Variants in USP45 observed in about 807,000 individuals in gnomAD.
USP45 encodes ubiquitin carboxyl-terminal hydrolase 45.
Under a neutral mutation model 95.8 loss-of-function variants are expected in USP45, and 89 were observed. The observed-to-expected ratio is 0.93, with a 90% CI of 0.78 to 1.11. USP45 has a LOEUF of 1.11. Ranked by LOEUF, USP45 falls within the 50% of genes least tolerant of loss-of-function variation. USP45 has a pLI of 0.00. For missense variants in USP45, 898 were observed against 942.5 expected (o/e 0.95, Z 0.62); for synonymous variants, 281 against 316.2 (o/e 0.89, Z 1.18).
At chr6:99,455,089 CAAAAA>C (rs56978977) in intron 13 of USP45, among the ~76,000 whole-genome samples, 1 of 126,698 alleles carries the variant, frequency 7.9e-6, no homozygotes, top group Non-Finnish European at 1.6e-5. Context: ...CACTCCATCT[CAAAAA>C]AAAAAAAACA....
rs1160211007 is a variant in USP45 at position 99,462,061 on chromosome 6, G to A, written c.1308+2543C>T. On this transcript the variant is annotated intron_variant, in intron 13 of 17. Transcript: ENST00000500704. ...ATATAGTACCTTAAAGATGTTATTA[G>A]AACTGTACTTTTCTAATTTTAGAAC... is the stretch of plus-strand genomic sequence containing the variant. The A allele has an allele frequency of 3.0e-6, 3 of 985,024 alleles. No individual in the cohort carries two copies. The East Asian group carries it at 3.4e-4, about 112-fold the overall frequency. The allele number at this position is 985,024 out of a possible 1,614,324, so 61.0% of individuals were successfully genotyped here. A position where few individuals can be genotyped will look rare whatever the true frequency, so the allele number is the denominator to read the frequency against.
At chr6:99,454,108 T>C (rs1182142148) in intron 13 of USP45, among the ~76,000 whole-genome samples, 2 of 152,192 alleles carry the variant, frequency 1.3e-5, no homozygotes, top group African/African-American at 4.8e-5. Flanking sequence ...AGTATGGTCA[T>C]GGTATAAAAA....
At chr6:99,505,133 G>T (rs1180893429) in intron 4 of USP45, among the ~76,000 whole-genome samples, 1 of 152,188 alleles carries the variant, frequency 6.6e-6, no homozygotes, top group Admixed American at 6.5e-5. Context: ...AGATAGGTAA[G>T]ACTCAAAGAA....
chr6:99,443,267 C>T (rs1168961635), intron 15 of USP45, among the ~76,000 whole-genome samples: 1 of 152,100 alleles, frequency 6.6e-6, no homozygotes, highest in Non-Finnish European at 1.5e-5. Context: ...CCTCAGCCTC[C>T]CAAAGGCCGA....
chr6:99,463,983 T>C (rs1293288169), intron 13 of USP45, among the ~76,000 whole-genome samples: 2 of 152,078 alleles, frequency 1.3e-5, no homozygotes, highest in African/African-American at 4.8e-5. Context: ...GATATGATAA[T>C]GGTACTGTGG....
chr6:99,465,842 T>G (rs1339957911), intron 11 of USP45, among the ~76,000 whole-genome samples: 1 of 152,084 alleles, frequency 6.6e-6, no homozygotes, highest in African/African-American at 2.4e-5. Flanking sequence ...CAATTGAAAA[T>G]CTACAAAAAA....
At chr6:99,463,279 CTG>C (rs774567082) in intron 13 of USP45, among the ~76,000 whole-genome samples, 1 of 152,036 alleles carries the variant, frequency 6.6e-6, no homozygotes, top group Non-Finnish European at 1.5e-5. Flanking sequence ...TTATCAGTGA[CTG>C]GTAATATCAT....
Position 99,443,608 on chromosome 6 carries a change from G to T in USP45, c.2030C>A (p.Ala677Asp). 1 of 1,609,280 alleles carries T rather than the reference G, an allele frequency of 6.2e-7. No individual in the cohort carries two copies. The highest frequency in any genetic ancestry group is 1.1e-5 in the South Asian group (1 of 89,910). ...TNARKQLLIS[A>D]VPAVLILHLK... ...GTGGAGAATTAGGACAGCTGGAACAGCAGAAATGAGCAATTGCTTCCTGGC... is the reference window on the plus strand; with the variant it reads ...GTGGAGAATTAGGACAGCTGGAACATCAGAAATGAGCAATTGCTTCCTGGC... Residue 677 changes from alanine to aspartate, a missense_variant, in exon 15 of 18, where the codon GCT becomes GAT. Physicochemically the swap from Ala to Asp is moderately radical, Grantham distance 126. Transcript: ENST00000500704.
intron 9 of USP45, among the ~76,000 whole-genome samples, chr6:99,469,471 AAT>A (rs1206776466): frequency 2.4e-3 from 183 of 75,902 alleles, no homozygotes; most frequent in South Asian, 0.015. Flanking sequence ...ATATATATAT[AAT>A]ATATATATAT....
At chr6:99,449,257 G>A (rs4487587) in intron 13 of USP45, among the ~76,000 whole-genome samples, 44,317 of 152,044 alleles carry the variant, frequency 0.29, 6,730 homozygotes, top group East Asian at 0.48. Context: ...CCATCAGTGT[G>A]CTGTATTCAG....
rs1325097142 is a variant in USP45, at chr6:99,433,028, C to T, written c.*2688G>A. The T allele has an allele frequency of 6.6e-6, 1 of 152,164 alleles. No homozygotes were observed. Among genetic ancestry groups the T allele is most frequent in the Non-Finnish European group, 1.5e-5 (1 of 68,032 alleles). 9.4% of individuals were successfully genotyped at this position (152,164 alleles called of 1,614,324 possible). ...TTTATTTTTGAGACAGGGTCTCACT[C>T]CGTCACTCTGCAGGAATGCAGTGGT... On this transcript the variant is annotated 3_prime_UTR_variant, in exon 18 of 18. Coordinates refer to ENST00000500704, the MANE Select transcript of USP45 (RefSeq NM_001346022.3).
intron 11 of USP45, among the ~76,000 whole-genome samples, chr6:99,465,789 T>C (rs1397300895): frequency 6.6e-6 from 1 of 152,130 alleles, no homozygotes; most frequent in Non-Finnish European, 1.5e-5. Flanking sequence ...TTTAAACCTA[T>C]CATACTCTAA....
chr6:99,438,825 T>G (rs1339381968), intron 16 of USP45, among the ~76,000 whole-genome samples: 1 of 152,150 alleles, frequency 6.6e-6, no homozygotes, highest in Admixed American at 6.5e-5. Flanking sequence ...GGACTGGCCA[T>G]GGATGTAAGG....
At chr6:99,484,492 T>C (rs1467832334) in intron 7 of USP45, among the ~76,000 whole-genome samples, 1 of 151,972 alleles carries the variant, frequency 6.6e-6, no homozygotes, top group Non-Finnish European at 1.5e-5. Flanking sequence ...TTCCATAGCT[T>C]TTGAATGTCA....
chr6:99,509,723 A>AT (rs1331223637), intron 2 of USP45, among the ~76,000 whole-genome samples: 1 of 152,088 alleles, frequency 6.6e-6, no homozygotes, highest in Non-Finnish European at 1.5e-5. Context: ...TGCCAACAGG[A>AT]TTTTTTGGAA....
Position 99,439,790 on chromosome 6 carries a change from T to C in USP45, c.2139A>G (p.Pro713=). 1 of 1,603,634 alleles carries C rather than the reference T, an allele frequency of 6.2e-7. No individual in the cohort carries two copies. Among genetic ancestry groups the C allele is most frequent in the Non-Finnish European group, 8.5e-7 (1 of 1,174,550 alleles). The change falls in exon 16 of 18, where the codon CCA becomes CCG. Residue 713 remains proline, a synonymous_variant. Coordinates refer to ENST00000500704, the MANE Select transcript of USP45 (RefSeq NM_001346022.3). Reference sequence around the variant, plus strand: ...GTACCTTACAAGTAGCAGAGCAGAATGGTGCTAAATCGAGCATAAGTGGAA... The same window carrying C: ...GTACCTTACAAGTAGCAGAGCAGAACGGTGCTAAATCGAGCATAAGTGGAA... ...VDFPLMLDLA[P]FCSATCKNAS... is the part of the protein sequence containing the mutation.
intron 16 of USP45, among the ~76,000 whole-genome samples, chr6:99,438,472 A>C (rs975284161): frequency 6.6e-6 from 1 of 152,200 alleles, no homozygotes; most frequent in African/African-American, 2.4e-5. Context: ...GGTACATTTG[A>C]CTTTGGACCT....
At chr6:99,449,200 C>T (rs1463493588) in intron 13 of USP45, among the ~76,000 whole-genome samples, 1 of 152,114 alleles carries the variant, frequency 6.6e-6, no homozygotes, top group Non-Finnish European at 1.5e-5. Context: ...GGGCTAAATG[C>T]TCCAATTAAA....
At chr6:99,474,730 G>A (rs1790368594) in intron 9 of USP45, among the ~76,000 whole-genome samples, 1 of 152,154 alleles carries the variant, frequency 6.6e-6, no homozygotes, top group Non-Finnish European at 1.5e-5. Context: ...AAACTCACCT[G>A]GACTGTTAGG....
Sources: allele counts gnomAD v4.1 joint callset (sites outside exome capture counted in the v4.1 genomes callset), GRCh38; gene constraint gnomAD v4.1.1; transcripts MANE v1.5; gene names NCBI Gene and HGNC (gene_info 2026-07-23, HGNC 2026-07-21).